Variants in FAF1 observed in about 807,000 individuals in gnomAD.
FAF1 encodes the protein FAS-associated factor 1.
In FAF1, 25 loss-of-function variants were observed where a neutral mutation model predicts 92.5. That is an observed-to-expected ratio of 0.27 (90% CI 0.20 to 0.38). FAF1 has a LOEUF of 0.38. Ranked by LOEUF, FAF1 falls within the 10% of genes least tolerant of loss-of-function variation. The pLI, the probability that FAF1 is intolerant of heterozygous loss-of-function variation, is 1.00. For synonymous variants in FAF1, 234 were observed against 273.2 expected (o/e 0.86, Z 1.42); for missense variants, 636 against 793.3 (o/e 0.80, Z 2.38).
At chr1:50,627,277 T>C (rs1653548880) in intron 8 of FAF1, among the ~76,000 whole-genome samples, 1 of 152,016 alleles carries the variant, frequency 6.6e-6, no homozygotes, top group African/African-American at 2.4e-5. Context: ...AACTCCTATA[T>C]TTAGTGACAG....
chr1:50,618,559 G>A (rs955449234), intron 8 of FAF1, among the ~76,000 whole-genome samples: 7 of 151,300 alleles, frequency 4.6e-5, no homozygotes, highest in East Asian at 1.9e-4. Flanking sequence ...CACCGCGCCC[G>A]GCCACCTAAA....
intron 13 of FAF1, among the ~76,000 whole-genome samples, chr1:50,564,353 A>G (rs1049785306): frequency 6.6e-6 from 1 of 151,974 alleles, no homozygotes; most frequent in African/African-American, 2.4e-5. Flanking sequence ...TTAACCAGGA[A>G]TTTATTTCCA....
intron 15 of FAF1, among the ~76,000 whole-genome samples, chr1:50,510,634 G>A (rs11581155): frequency 5.9e-5 from 9 of 152,082 alleles, no homozygotes; most frequent in Non-Finnish European, 8.8e-5. Context: ...TCTTAACCAC[G>A]GATTATGCAC....
In FAF1 at chr1:50,822,777, T is replaced by TC. The variant is rs1449366856; in HGVS notation, c.115-21101_115-21100insG. On this transcript the variant is annotated intron_variant, in intron 2 of 18. Coordinates refer to ENST00000396153, the MANE Select transcript of FAF1 (RefSeq NM_007051.3). ...TTCTTTCTTTCTTTCTTTCTTTCTTTTTTTTTTTTTTTTTGAGACGCAGTT... is the reference window on the plus strand; with the variant it reads ...TTCTTTCTTTCTTTCTTTCTTTCTTTCTTTTTTTTTTTTTTGAGACGCAGTT... Among the ~76,000 whole-genome samples the TC allele has an allele frequency of 2.2e-3, 313 of 144,862 alleles. 1 individual carries two copies. The highest frequency in any genetic ancestry group is 3.5e-3 in the Non-Finnish European group (232 of 66,064).
chr1:50,848,790 T>C (rs1483145497), intron 2 of FAF1, among the ~76,000 whole-genome samples: 1 of 152,106 alleles, frequency 6.6e-6, no homozygotes, highest in Non-Finnish European at 1.5e-5. Context: ...CAGTAATCTC[T>C]CAAAGTGTCA....
At chr1:50,956,448 T>C (rs1358111590) in intron 1 of FAF1, among the ~76,000 whole-genome samples, 1 of 152,232 alleles carries the variant, frequency 6.6e-6, no homozygotes, top group Admixed American at 6.5e-5. Context: ...TGATTTATTT[T>C]CAAATTCTAA....
At chr1:50,851,078 TA>T (rs1406577720) in intron 2 of FAF1, among the ~76,000 whole-genome samples, 1 of 150,736 alleles carries the variant, frequency 6.6e-6, no homozygotes, top group Non-Finnish European at 1.5e-5. Context: ...TGGAGCAATT[TA>T]CATTTTTTTT....
At chr1:50,835,785 G>A (rs1644195630) in intron 2 of FAF1, among the ~76,000 whole-genome samples, 1 of 152,048 alleles carries the variant, frequency 6.6e-6, no homozygotes, top group African/African-American at 2.4e-5. Context: ...TCCCCCTAGA[G>A]CCAATTAGGT....
At chr1:50,799,684 T>C (rs922758122) in intron 3 of FAF1, among the ~76,000 whole-genome samples, 5 of 152,232 alleles carry the variant, frequency 3.3e-5, no homozygotes, top group Non-Finnish European at 5.9e-5. Flanking sequence ...ATTTAAACTA[T>C]AGTATTTGAT....
chr1:50,845,387 C>G (rs962589206), intron 2 of FAF1, among the ~76,000 whole-genome samples: 1 of 152,132 alleles, frequency 6.6e-6, no homozygotes, highest in Non-Finnish European at 1.5e-5. Flanking sequence ...AACGAGTGTT[C>G]AAAGGCCTCC....
intron 8 of FAF1, among the ~76,000 whole-genome samples, chr1:50,613,914 T>C (rs887827943): frequency 7.9e-5 from 12 of 151,868 alleles, no homozygotes; most frequent in Non-Finnish European, 1.0e-4. Flanking sequence ...CTGGCCAACA[T>C]AGTGAAACCC....
chr1:50,858,196 T>C (rs1644405431), intron 1 of FAF1, among the ~76,000 whole-genome samples, 199 bp from the exon 2 acceptor site: 1 of 151,840 alleles, frequency 6.6e-6, no homozygotes, highest in Non-Finnish European at 1.5e-5. Flanking sequence ...AAATTTACAT[T>C]GCTCTGAAAA....
chr1:50,849,240 C>G (rs1388307860), intron 2 of FAF1, among the ~76,000 whole-genome samples: 1 of 149,862 alleles, frequency 6.7e-6, no homozygotes, highest in Non-Finnish European at 1.5e-5. Context: ...GCACTATAGC[C>G]TAGGCGACAG....
chr1:50,945,354 G>T (rs138029094), intron 1 of FAF1, among the ~76,000 whole-genome samples: 41 of 152,272 alleles, frequency 2.7e-4, no homozygotes, highest in African/African-American at 8.4e-4. Context: ...GGCTGAATAG[G>T]CAGGTCAAAG....
At chr1:50,607,589 C>G (rs180908240) in intron 8 of FAF1, among the ~76,000 whole-genome samples, 189 of 152,280 alleles carry the variant, frequency 1.2e-3, no homozygotes, top group Non-Finnish European at 2.1e-3. Flanking sequence ...TTTCCCTCAC[C>G]ATTCTTTTCC....
intron 15 of FAF1, among the ~76,000 whole-genome samples, chr1:50,515,434 T>C (rs1260018379): frequency 2.0e-5 from 3 of 152,182 alleles, no homozygotes; most frequent in Admixed American, 1.3e-4. Context: ...AGGAAATTTG[T>C]GAAAACACAG....
intron 1 of FAF1, among the ~76,000 whole-genome samples, chr1:50,944,258 C>A (rs1645156921): frequency 6.6e-6 from 1 of 152,122 alleles, no homozygotes; most frequent in Non-Finnish European, 1.5e-5. Context: ...GCAGACCCAG[C>A]AGGGATGGCA....
intron 18 of FAF1, among the ~76,000 whole-genome samples, chr1:50,472,368 TACACACACACACACACACACACAC>T (rs71850142): frequency 1.5e-4 from 18 of 123,950 alleles, no homozygotes; most frequent in African/African-American, 4.3e-4. Context: ...GGGGAAAACA[TACACACACACACACACACACACAC>T]ACACACACAC....
chr1:50,664,139 A>C (rs1472728982), intron 7 of FAF1, among the ~76,000 whole-genome samples: 2 of 150,796 alleles, frequency 1.3e-5, no homozygotes, highest in Non-Finnish European at 2.9e-5. Flanking sequence ...CTGGGATTAC[A>C]GGAATGTGCC....
Sources: gnomAD v4.1 joint callset for allele counts (sites outside exome capture counted in the v4.1 genomes callset) on GRCh38, gnomAD v4.1.1 for gene constraint, MANE v1.5 for transcripts, NCBI Gene and HGNC (gene_info 2026-07-23, HGNC 2026-07-21) for gene names.